DLGAP1: variants seen among roughly 807,000 people sequenced by gnomAD.
The protein encoded by DLGAP1 is DLG associated protein 1.
Under a neutral mutation model 90.8 loss-of-function variants are expected in DLGAP1, and 11 were observed. The observed-to-expected ratio is 0.12, with a 90% CI of 0.08 to 0.20. The LOEUF is 0.20. DLGAP1 is among the 10% of genes least tolerant of loss of function. DLGAP1 has a pLI of 1.00. For synonymous variants in DLGAP1, 558 were observed against 540.7 expected (o/e 1.03, Z -0.44); for missense variants, 1,050 against 1,333.8 (o/e 0.79, Z 3.31).
intron 3 of DLGAP1, among the ~76,000 whole-genome samples, chr18:3,963,603 T>A (rs959616361): frequency 8.2e-6 from 1 of 122,032 alleles, no homozygotes; most frequent in African/African-American, 3.0e-5. Context: ...TTTTTTTTTT[T>A]AGTGCAATTT....
intron 1 of DLGAP1, among the ~76,000 whole-genome samples, chr18:4,273,239 C>T (rs766785575): frequency 6.6e-6 from 1 of 152,164 alleles, no homozygotes; most frequent in African/African-American, 2.4e-5. Flanking sequence ...GTTAACCTCT[C>T]ACCATGTTGA....
chr18:3,591,978 G>A (rs916801566), intron 7 of DLGAP1, among the ~76,000 whole-genome samples: 2 of 152,150 alleles, frequency 1.3e-5, no homozygotes, highest in Non-Finnish European at 2.9e-5. Context: ...TCTTTTGGCT[G>A]GGAGGCTATA....
At chr18:4,366,360 T>A (rs2081766966) in intron 1 of DLGAP1, among the ~76,000 whole-genome samples, 1 of 152,004 alleles carries the variant, frequency 6.6e-6, no homozygotes, top group African/African-American at 2.4e-5. Context: ...TGAGAAAAAA[T>A]AATTTAGATT....
At chr18:3,955,700 G>A (rs763679811) in intron 3 of DLGAP1, among the ~76,000 whole-genome samples, 27 of 149,914 alleles carry the variant, frequency 1.8e-4, no homozygotes, top group Non-Finnish European at 3.7e-4. Flanking sequence ...GGCAAAAAGA[G>A]TGAAACTCCG....
intron 11 of DLGAP1, among the ~76,000 whole-genome samples, chr18:3,506,703 T>C (rs2050247764): frequency 1.3e-5 from 2 of 152,224 alleles, no homozygotes; most frequent in Non-Finnish European, 2.9e-5. Context: ...CCCTGTATCG[T>C]GTACACATGG....
rs1219398358 is a variant in DLGAP1, at chr18:3,600,913, TAG to T, written c.1592-18667_1592-18666del. ...ATATAGATATATATAGATATATAGATAGATATAGATATATATAGATATATAGA... is the reference window on the plus strand; with the variant it reads ...ATATAGATATATATAGATATATAGATATATAGATATATATAGATATATAGA... On this transcript the variant is annotated intron_variant, in intron 7 of 12. Coordinates refer to ENST00000315677, the MANE Select transcript of DLGAP1 (RefSeq NM_004746.4). Among the ~76,000 whole-genome samples the T allele has an allele frequency of 1.4e-3, 92 of 65,508 alleles. 24 individuals are homozygous for T. The highest frequency in any genetic ancestry group is 2.6e-3 in the Non-Finnish European group (74 of 28,480). The allele number at this position is 65,508 out of a possible 152,430, so 43.0% of individuals were successfully genotyped here.
At chr18:3,519,002 A>G (rs751629967) in intron 10 of DLGAP1, among the ~76,000 whole-genome samples, 6 of 152,192 alleles carry the variant, frequency 3.9e-5, no homozygotes, top group Non-Finnish European at 8.8e-5. Flanking sequence ...TAAGAAATCC[A>G]TAACAATTTT....
At chr18:3,540,749 T>C (rs1181730894) in intron 9 of DLGAP1, among the ~76,000 whole-genome samples, 1 of 152,204 alleles carries the variant, frequency 6.6e-6, no homozygotes, top group Non-Finnish European at 1.5e-5. Flanking sequence ...AAATACATCA[T>C]GCTTGAAGAT....
At chr18:4,205,067 C>G (rs1318464209) in intron 1 of DLGAP1, among the ~76,000 whole-genome samples, 2 of 152,138 alleles carry the variant, frequency 1.3e-5, no homozygotes, top group African/African-American at 4.8e-5. Context: ...CCAGGGAGTA[C>G]TTTCAGTGCT....
rs1424591980 is a variant in DLGAP1 at position 4,151,203 on chromosome 18, T to C, written c.-182A>G. 1 of 152,232 alleles carries C rather than the reference T, an allele frequency of 6.6e-6. No individual in the cohort carries two copies. Among genetic ancestry groups the C allele is most frequent in the Non-Finnish European group, 1.5e-5 (1 of 68,050 alleles). 9.4% of individuals were successfully genotyped at this position (152,232 alleles called of 1,614,324 possible). ...ACCTTTGATTATCAATTGTCCATTT[T>C]CCTTGCTTCCGAGTCAGGAAAAGAT... On this transcript the variant is annotated 5_prime_UTR_variant, in exon 2 of 13. Coordinates refer to ENST00000315677, the MANE Select transcript of DLGAP1 (RefSeq NM_004746.4).
At chr18:3,677,887 G>A (rs1202355295) in intron 7 of DLGAP1, among the ~76,000 whole-genome samples, 1 of 150,524 alleles carries the variant, frequency 6.6e-6, no homozygotes, top group Non-Finnish European at 1.5e-5. Context: ...TCGAACTCCT[G>A]ACCTCAAGTG....
chr18:4,071,444 C>CA (rs1367968742), intron 2 of DLGAP1, among the ~76,000 whole-genome samples: 1 of 152,110 alleles, frequency 6.6e-6, no homozygotes, highest in Non-Finnish European at 1.5e-5. Flanking sequence ...ATTTGCTATT[C>CA]AAAATGCTTT....
intron 2 of DLGAP1, among the ~76,000 whole-genome samples, chr18:4,033,050 A>T (rs1290812093): frequency 6.6e-6 from 1 of 152,258 alleles, no homozygotes; most frequent in African/African-American, 2.4e-5. Context: ...CTTAAATAAA[A>T]TAGTCCTTAA....
At chr18:3,786,671 A>G (rs1309971608) in intron 5 of DLGAP1, among the ~76,000 whole-genome samples, 3 of 152,228 alleles carry the variant, frequency 2.0e-5, no homozygotes, top group Non-Finnish European at 2.9e-5. Context: ...TCACTGAGCA[A>G]AGACCAAGCC....
chr18:3,649,387 G>C (rs1380781725), intron 7 of DLGAP1, among the ~76,000 whole-genome samples: 1 of 152,190 alleles, frequency 6.6e-6, no homozygotes, highest in Non-Finnish European at 1.5e-5. Context: ...TTCCCTCTAA[G>C]GACTCTCAAA....
At chr18:4,282,023 T>C (rs1053433079) in intron 1 of DLGAP1, among the ~76,000 whole-genome samples, 8 of 152,210 alleles carry the variant, frequency 5.3e-5, no homozygotes, top group African/African-American at 1.9e-4. Context: ...ATCAATGTGA[T>C]CAATATTCCC....
intron 10 of DLGAP1, among the ~76,000 whole-genome samples, chr18:3,521,465 C>T (rs1220992964): frequency 6.6e-6 from 1 of 152,152 alleles, no homozygotes; most frequent in African/African-American, 2.4e-5. Context: ...TCCCAAATCC[C>T]CCAAGGTCTT....
In DLGAP1 at chr18:3,583,155, T is replaced by G. The variant is rs1402360560; in HGVS notation, c.1592-907A>C. The stretch of plus-strand genomic sequence containing the variant: ...TGCCTGACTGACCGACCTACCTACC[T>G]ACCTACCTACCTACCTACCTACCTA... On this transcript the variant is annotated intron_variant, in intron 7 of 12. Transcript: ENST00000315677. Among the ~76,000 whole-genome samples the G allele has an allele frequency of 2.8e-4, 33 of 116,558 alleles. 1 individual carries two copies. Among genetic ancestry groups the G allele is most frequent in the Middle Eastern group, 4.3e-3 (1 of 234 alleles). 76.5% of individuals were successfully genotyped at this position (116,558 alleles called of 152,430 possible).
At chr18:3,845,006 G>C (rs2068929965) in intron 4 of DLGAP1, among the ~76,000 whole-genome samples, 2 of 152,104 alleles carry the variant, frequency 1.3e-5, no homozygotes, top group Non-Finnish European at 2.9e-5. Flanking sequence ...TTATTAAAAA[G>C]CTGGATTTCT....
Sources: gnomAD v4.1 joint callset for allele counts (sites outside exome capture counted in the v4.1 genomes callset) on GRCh38, gnomAD v4.1.1 for gene constraint, MANE v1.5 for transcripts, NCBI Gene and HGNC (gene_info 2026-07-23, HGNC 2026-07-21) for gene names.